The following MACC1 variants were observed in gnomAD, a reference collection of about 807,000 sequenced individuals.
MACC1 encodes MET transcriptional regulator MACC1.
Under a neutral mutation model 70.7 loss-of-function variants are expected in MACC1, and 79 were observed. That is an observed-to-expected ratio of 1.12 (90% CI 0.93 to 1.35). MACC1 has a LOEUF of 1.35. Among genes scored for constraint, MACC1 ranks in the 40% most tolerant of loss-of-function variants. The pLI, the probability that MACC1 is intolerant of heterozygous loss-of-function variation, is 0.00. For synonymous variants in MACC1, 361 were observed against 347.2 expected (o/e 1.04, Z -0.44); for missense variants, 1,106 against 978.1 (o/e 1.13, Z -1.74).
intron 1 of MACC1, among the ~76,000 whole-genome samples, chr7:20,202,347 T>A (rs1395521264): frequency 6.6e-6 from 1 of 152,234 alleles, no homozygotes; most frequent in Non-Finnish European, 1.5e-5. Context: ...GACATAGAGA[T>A]GGACTTAGTT....
At chr7:20,213,427 A>G (rs553712904) in intron 1 of MACC1, among the ~76,000 whole-genome samples, 1 of 152,374 alleles carries the variant, frequency 6.6e-6, no homozygotes, top group Non-Finnish European at 1.5e-5. Context: ...ATTACTGGGT[A>G]TATAACCAAA....
chr7:20,210,354 G>C (rs912502402), intron 1 of MACC1, among the ~76,000 whole-genome samples: 2 of 152,102 alleles, frequency 1.3e-5, no homozygotes, highest in African/African-American at 4.8e-5. Flanking sequence ...GCCTAGGTTA[G>C]GCATCACTGT....
intron 3 of MACC1, among the ~76,000 whole-genome samples, chr7:20,163,310 A>G (rs955881713): frequency 6.6e-6 from 1 of 152,236 alleles, no homozygotes; most frequent in African/African-American, 2.4e-5. Flanking sequence ...GGGAAAGCCT[A>G]TATACTTGTT....
At chr7:20,147,809 T>C (rs922092469) in intron 6 of MACC1, among the ~76,000 whole-genome samples, 3 of 152,196 alleles carry the variant, frequency 2.0e-5, no homozygotes, top group African/African-American at 7.2e-5. Context: ...AGAGGACCTA[T>C]TCCTTGCTAG....
Position 20,158,617 on chromosome 7 carries a change from C to G in MACC1, c.1744G>C (p.Gly582Arg), listed in dbSNP as rs143688163. ...CCAATAGCTTTTACCTTACCTTCCCCGAGGAGAGCTATTGTGTCCCCTTTG... is the reference window on the plus strand; with the variant it reads ...CCAATAGCTTTTACCTTACCTTCCCGGAGGAGAGCTATTGTGTCCCCTTTG... ...YFKGDTIALLGEGKVKAIGQS... is the reference protein window; with the variant it reads ...YFKGDTIALLREGKVKAIGQS... The change falls in exon 5 of 7, where the codon GGG becomes CGG. Residue 582 changes from glycine (G) to arginine (R), a missense_variant. Transcript: ENST00000400331. 7 of 1,613,864 alleles carry G rather than the reference C, an allele frequency of 4.3e-6. No individual in the cohort carries two copies. The African/African-American group carries it at 6.7e-5, about 15-fold the overall frequency.
intron 1 of MACC1, among the ~76,000 whole-genome samples, chr7:20,179,242 GA>G (rs34648768): frequency 0.49 from 73,648 of 150,230 alleles, 19,619 homozygotes; most frequent in East Asian, 0.85. Context: ...CTATCTTACA[GA>G]AAAAAAAAAT....
chr7:20,153,842 T>C (rs568270289), intron 6 of MACC1, among the ~76,000 whole-genome samples: 75 of 152,280 alleles, frequency 4.9e-4, no homozygotes, highest in African/African-American at 1.8e-3. Context: ...TCCTCTATTG[T>C]CCTGACTTGA....
At chr7:20,160,777 A>G (rs920742508) in intron 4 of MACC1, among the ~76,000 whole-genome samples, 1 of 152,112 alleles carries the variant, frequency 6.6e-6, no homozygotes, top group Non-Finnish European at 1.5e-5. Flanking sequence ...AATATTTAAA[A>G]TAACGTTTAA....
chr7:20,214,199 C>T (rs1562605959), intron 1 of MACC1, among the ~76,000 whole-genome samples: 1 of 152,116 alleles, frequency 6.6e-6, no homozygotes, highest in Non-Finnish European at 1.5e-5. Context: ...TTTGAGCCCC[C>T]TGTTATCCAG....
chr7:20,187,734 C>T (rs1583404092), intron 1 of MACC1, among the ~76,000 whole-genome samples: 1 of 152,190 alleles, frequency 6.6e-6, no homozygotes, highest in East Asian at 1.9e-4. Context: ...CTGGGCTCTT[C>T]ATGCTGCCAG....
chr7:20,206,079 C>T (rs117278178), intron 1 of MACC1, among the ~76,000 whole-genome samples: 57 of 151,778 alleles, frequency 3.8e-4, no homozygotes, highest in Middle Eastern at 3.4e-3. Flanking sequence ...CACACATTAT[C>T]GTCATCTGCT....
intron 1 of MACC1, among the ~76,000 whole-genome samples, chr7:20,181,576 C>G (rs919947293): frequency 6.6e-6 from 1 of 151,924 alleles, no homozygotes; most frequent in Non-Finnish European, 1.5e-5. Context: ...TGCTAAAATT[C>G]CATATTGAAT....
Position 20,140,683 on chromosome 7 carries a change from A to C in MACC1, c.*263T>G. 1 of 351,540 alleles carries C rather than the reference A, an allele frequency of 2.8e-6. No homozygotes were observed. Among genetic ancestry groups the C allele is most frequent in the Non-Finnish European group, 5.1e-6 (1 of 197,504 alleles). The allele number at this position is 351,540 out of a possible 1,614,324, so 21.8% of individuals were successfully genotyped here. A position where few individuals can be genotyped will look rare whatever the true frequency, so the allele number is the denominator to read the frequency against. On this transcript the variant is annotated 3_prime_UTR_variant, in exon 7 of 7. Transcript: ENST00000400331. ...GTATTTGAAACATACACAAAAATAC[A>C]TATTTGAGGATAAAACCCATCTTGG... is the stretch of plus-strand genomic sequence containing the variant.
At chr7:20,154,822 T>G (rs534166728) in intron 5 of MACC1, among the ~76,000 whole-genome samples, 5 of 152,246 alleles carry the variant, frequency 3.3e-5, no homozygotes, top group African/African-American at 1.2e-4. Flanking sequence ...TTAAAGTGTA[T>G]GTGAACTGGT....
At chr7:20,179,591 T>C (rs529700958) in intron 1 of MACC1, among the ~76,000 whole-genome samples, 7 of 152,350 alleles carry the variant, frequency 4.6e-5, no homozygotes, top group African/African-American at 7.2e-5. Context: ...CAGTTCCTGA[T>C]TGGAGGCTGT....
intron 1 of MACC1, among the ~76,000 whole-genome samples, chr7:20,206,242 T>C (rs1782909434): frequency 6.6e-6 from 1 of 151,956 alleles, no homozygotes; most frequent in Admixed American, 6.6e-5. Flanking sequence ...ATTCTGCCCA[T>C]AGTGAGGACA....
chr7:20,202,750 GTT>G (rs1212523475), intron 1 of MACC1, among the ~76,000 whole-genome samples: 1 of 152,182 alleles, frequency 6.6e-6, no homozygotes, highest in Non-Finnish European at 1.5e-5. Flanking sequence ...AATCGAGCTA[GTT>G]TTACTGAGAA....
In MACC1 at chr7:20,202,765, T is replaced by G. The variant is rs541824496; in HGVS notation, c.-218+14534A>C. 3.3e-5 allele frequency among the ~76,000 whole-genome samples: 5 copies of G among 152,330 alleles called. No individual in the cohort carries two copies. In the South Asian group the frequency reaches 1.0e-3, roughly 32 times the overall value. Reference sequence around the variant, plus strand: ...AATCGAGCTAGTTTTACTGAGAAATTGAATCGTTAATTTTCATCAATTTAA... The same window carrying G: ...AATCGAGCTAGTTTTACTGAGAAATGGAATCGTTAATTTTCATCAATTTAA... On this transcript the variant is annotated intron_variant, in intron 1 of 6. Transcript: ENST00000400331.
At chr7:20,180,495 A>G (rs1327360676) in intron 1 of MACC1, among the ~76,000 whole-genome samples, 1 of 152,152 alleles carries the variant, frequency 6.6e-6, no homozygotes, top group Admixed American at 6.5e-5. Flanking sequence ...TTAGCAAAGC[A>G]TATAAATAGC....
Sources: allele counts gnomAD v4.1 joint callset (sites outside exome capture counted in the v4.1 genomes callset), GRCh38; gene constraint gnomAD v4.1.1; transcripts MANE v1.5; gene names NCBI Gene and HGNC (gene_info 2026-07-23, HGNC 2026-07-21).